AGAP1: variants seen among roughly 807,000 people sequenced by gnomAD.
AGAP1 encodes ArfGAP with GTPase domain, ankyrin repeat and PH domain 1, also known as arf-GAP with GTPase, ANK repeat and PH domain-containing protein 1.
Under a neutral mutation model 105.3 loss-of-function variants are expected in AGAP1, and 29 were observed. The ratio of observed to expected loss-of-function variants is 0.28; its 90% CI spans 0.21 to 0.38. AGAP1 has a LOEUF of 0.38. Ranked by LOEUF, AGAP1 falls within the 10% of genes least tolerant of loss-of-function variation. The pLI is 1.00. For missense variants in AGAP1, 998 were observed against 1,165.1 expected, an observed-to-expected ratio of 0.86 and a Z score of 2.09; for synonymous variants, 509 against 485.9, an observed-to-expected ratio of 1.05 and a Z score of -0.63.
At chr2:235,835,072 G>A (rs755836090) in intron 9 of AGAP1, among the ~76,000 whole-genome samples, 4 of 152,200 alleles carry the variant, frequency 2.6e-5, no homozygotes, top group Non-Finnish European at 5.9e-5. Flanking sequence ...CCCCGTTCCC[G>A]ATTCTCTACT....
At chr2:235,984,339 G>A (rs1009747985) in intron 13 of AGAP1, among the ~76,000 whole-genome samples, 1 of 152,128 alleles carries the variant, frequency 6.6e-6, no homozygotes, top group East Asian at 1.9e-4. Flanking sequence ...TATGAAGGAT[G>A]CTGCGTGAAC....
chr2:235,862,724 A>G (rs1265314164), intron 9 of AGAP1, among the ~76,000 whole-genome samples: 2 of 152,232 alleles, frequency 1.3e-5, no homozygotes, highest in African/African-American at 4.8e-5. Flanking sequence ...TAGAACCTCT[A>G]GTCCATGTCT....
chr2:235,795,128 G>C (rs938624585), intron 6 of AGAP1, among the ~76,000 whole-genome samples: 12 of 152,082 alleles, frequency 7.9e-5, no homozygotes, highest in Admixed American at 2.6e-4. Context: ...GGGAATGGAG[G>C]GGGGTTCCTC....
chr2:236,008,660 A>C (rs1223688890), intron 13 of AGAP1, among the ~76,000 whole-genome samples: 1 of 152,148 alleles, frequency 6.6e-6, no homozygotes, highest in Non-Finnish European at 1.5e-5. Flanking sequence ...CATATCCTGG[A>C]GGTCTTGCTT....
chr2:235,770,689 T>A (rs1459665638), intron 6 of AGAP1, among the ~76,000 whole-genome samples: 1 of 149,594 alleles, frequency 6.7e-6, no homozygotes, highest in Non-Finnish European at 1.5e-5. Context: ...TTAAACTGCT[T>A]AGAAAAGCTG....
At chr2:235,784,353 G>GAA (rs1956473469) in intron 6 of AGAP1, among the ~76,000 whole-genome samples, 1 of 152,106 alleles carries the variant, frequency 6.6e-6, no homozygotes, top group Non-Finnish European at 1.5e-5. Context: ...TGCGGTAACA[G>GAA]AAAAGAATAC....
chr2:235,686,665 A>ATATATATTTTTTTT, intron 1 of AGAP1, among the ~76,000 whole-genome samples: 1 of 77,502 alleles, frequency 1.3e-5, no homozygotes, highest in East Asian at 4.5e-4. Flanking sequence ...ATATATATAT[A>ATATATATTTTTTTT]TTTTTTTTTT....
chr2:235,617,552 A>G (rs779789003), intron 1 of AGAP1, among the ~76,000 whole-genome samples: 1 of 152,160 alleles, frequency 6.6e-6, no homozygotes, highest in Non-Finnish European at 1.5e-5. Context: ...AAATACAAAA[A>G]TTAGCCAAGT....
In AGAP1 at chr2:235,557,770, C is replaced by T. The variant is rs971325279; in HGVS notation, c.163+62921C>T. 6.6e-6 allele frequency among the ~76,000 whole-genome samples: 1 copy of T among 152,158 alleles called. No homozygotes were observed. Among genetic ancestry groups the T allele is most frequent in the African/African-American group, 2.4e-5 (1 of 41,428 alleles). On this transcript the variant is annotated intron_variant, in intron 1 of 17. Coordinates refer to ENST00000304032, the MANE Select transcript of AGAP1 (RefSeq NM_001037131.3). The surrounding 1 kb of genome is among the most constrained non-coding windows in gnomAD (Gnocchi z 4.7). ...CATGGCCGTGTGCACCTTCATGGTACGTGCTGGGGTTGTGCCTTATGAAAA... is the reference window on the plus strand; with the variant it reads ...CATGGCCGTGTGCACCTTCATGGTATGTGCTGGGGTTGTGCCTTATGAAAA...
chr2:236,021,134 C>G (rs1184925214), intron 13 of AGAP1, among the ~76,000 whole-genome samples: 1 of 150,142 alleles, frequency 6.7e-6, no homozygotes, highest in Non-Finnish European at 1.5e-5. Context: ...CCACTACACT[C>G]CAACCTGGGC....
In AGAP1 at chr2:235,733,190, C is replaced by T. The variant is rs1312052890; in HGVS notation, c.311-7773C>T. Among the ~76,000 whole-genome samples the T allele has an allele frequency of 6.6e-6, 1 of 152,180 alleles. No homozygotes were observed. The highest frequency in any genetic ancestry group is 1.5e-5 in the Non-Finnish European group (1 of 68,036). The stretch of plus-strand genomic sequence containing the variant: ...TTGTTCCCCTTGAGGTGCCCCCCTG[C>T]GTGGGTCACTTCTCCCGCTCACCAG... On this transcript the variant is annotated intron_variant, in intron 3 of 17. Transcript: ENST00000304032. This position sits in a 1 kb window ranked among gnomAD's most constrained non-coding sequence, Gnocchi z 5.0.
At position 236,002,725 on chromosome 2, in the gene AGAP1, C is replaced by A. The variant is rs1230843045; in HGVS notation, c.1646-33836C>A. Among the ~76,000 whole-genome samples, 1 of 151,894 alleles carries A rather than the reference C, an allele frequency of 6.6e-6. No individual in the cohort carries two copies. The highest frequency in any genetic ancestry group is 2.1e-4 in the South Asian group (1 of 4,810). ...GGACTGTGAGAGTCCCCCTGAAAAG[C>A]GAGATTTCATAGAAGTATTGAATTT... On this transcript the variant is annotated intron_variant, in intron 13 of 17. Coordinates refer to ENST00000304032, the MANE Select transcript of AGAP1 (RefSeq NM_001037131.3). The surrounding 1 kb of genome is among the most constrained non-coding windows in gnomAD (Gnocchi z 4.3).
chr2:235,536,603 C>T (rs1943240288), intron 1 of AGAP1, among the ~76,000 whole-genome samples: 1 of 134,272 alleles, frequency 7.4e-6, no homozygotes, highest in African/African-American at 2.8e-5. Flanking sequence ...ACAGCAGGAC[C>T]CCTGGGTTTG....
intron 6 of AGAP1, among the ~76,000 whole-genome samples, chr2:235,790,108 C>CA (rs34818644): frequency 9.9e-5 from 15 of 151,466 alleles, no homozygotes; most frequent in South Asian, 2.1e-4. Context: ...AAGGTAGTGG[C>CA]AAAAAAAATG....
In AGAP1 at chr2:235,734,615, T is replaced by C. The variant is rs1378440320; in HGVS notation, c.311-6348T>C. ...AATGAAAGTTACAGACAGGTGTCTG[T>C]CTTTTTAGTTTCCTAAGCACAGTGA... On this transcript the variant is annotated intron_variant, in intron 3 of 17. Coordinates refer to ENST00000304032, the MANE Select transcript of AGAP1 (RefSeq NM_001037131.3). This position sits in a 1 kb window ranked among gnomAD's most constrained non-coding sequence, Gnocchi z 5.3. Among the ~76,000 whole-genome samples, 3 of 152,148 alleles carry C rather than the reference T, an allele frequency of 2.0e-5. No homozygotes were observed. Among genetic ancestry groups the C allele is most frequent in the Admixed American group, 6.6e-5 (1 of 15,266 alleles).
In AGAP1 at chr2:235,927,474, T is replaced by C. The variant is rs6736972; in HGVS notation, c.1325-3291T>C. On this transcript the variant is annotated intron_variant, in intron 11 of 17. Transcript: ENST00000304032. This position sits in a 1 kb window ranked among gnomAD's most constrained non-coding sequence, Gnocchi z 4.4. ...GCATTCACAGCAGAGTCCTGTTGTT[T>C]CCTAGTGTGTAGGCTTGAAGGAATC... Among the ~76,000 whole-genome samples, 121 of 152,334 alleles carry C rather than the reference T, an allele frequency of 7.9e-4. No individual in the cohort carries two copies. Among genetic ancestry groups the C allele is most frequent in the African/African-American group, 2.7e-3 (112 of 41,572 alleles).
rs1338117568 is a variant in AGAP1, at chr2:236,005,382, C to A, written c.1646-31179C>A. Among the ~76,000 whole-genome samples the A allele has an allele frequency of 6.6e-6, 1 of 152,142 alleles. No homozygotes were observed. Among genetic ancestry groups the A allele is most frequent in the Non-Finnish European group, 1.5e-5 (1 of 68,024 alleles). ...TCTCAAACTCCTGACCTCAAATGAT[C>A]CACCCACCTCAGCCTCCCAAAGTGC... is the stretch of plus-strand genomic sequence containing the variant. On this transcript the variant is annotated intron_variant, in intron 13 of 17. Coordinates refer to ENST00000304032, the MANE Select transcript of AGAP1 (RefSeq NM_001037131.3). This position sits in a 1 kb window ranked among gnomAD's most constrained non-coding sequence, Gnocchi z 4.1.
intron 6 of AGAP1, among the ~76,000 whole-genome samples, chr2:235,761,826 G>T (rs550282849): frequency 2.8e-4 from 43 of 152,132 alleles, no homozygotes; most frequent in Non-Finnish European, 5.0e-4. Context: ...TATGGACATA[G>T]GCCGGGCGCA....
rs901775140 is a variant in AGAP1, at chr2:235,721,711, A to G, written c.310+4067A>G. 6.6e-6 allele frequency among the ~76,000 whole-genome samples: 1 copy of G among 152,190 alleles called. No individual in the cohort carries two copies. The highest frequency in any genetic ancestry group is 6.5e-5 in the Admixed American group (1 of 15,268). Reference sequence around the variant, plus strand: ...CGGTTCTGATTTAATTAGTGTGTGCATATCCTTTATATTCTAATCCTGACC... The same window carrying G: ...CGGTTCTGATTTAATTAGTGTGTGCGTATCCTTTATATTCTAATCCTGACC... On this transcript the variant is annotated intron_variant, in intron 3 of 17. Transcript: ENST00000304032. The surrounding 1 kb of genome is among the most constrained non-coding windows in gnomAD (Gnocchi z 4.5).
Sources: gnomAD v4.1 joint callset for allele counts (sites outside exome capture counted in the v4.1 genomes callset) on GRCh38, gnomAD v4.1.1 for gene constraint, Gnocchi (gnomAD v3.1) non-coding constraint, MANE v1.5 for transcripts, NCBI Gene and HGNC (gene_info 2026-07-23, HGNC 2026-07-21) for gene names.